Variants in RABGEF1 observed in about 807,000 individuals in gnomAD.
RABGEF1 encodes RAB guanine nucleotide exchange factor 1, also known as rab5 GDP/GTP exchange factor.
A neutral mutation model predicts 57.3 loss-of-function variants in RABGEF1; 26 were observed. That is an observed-to-expected ratio of 0.45 (90% CI 0.33 to 0.63). RABGEF1 has a LOEUF of 0.63. Ranked by LOEUF, RABGEF1 falls within the 20% of genes least tolerant of loss-of-function variation. The probability of loss-of-function intolerance (pLI) is 0.02; values close to 1 mark genes in which losing one functional copy is unlikely to be tolerated. For missense variants in RABGEF1, 464 were observed against 607.6 expected, an observed-to-expected ratio of 0.76 and a Z score of 2.48; for synonymous variants, 185 against 210.7, an observed-to-expected ratio of 0.88 and a Z score of 1.06.
the RABGEF1 span, among the ~76,000 whole-genome samples, chr7:66,662,524 C>T: frequency 2.6e-5 from 4 of 152,168 alleles, no homozygotes; most frequent in African/African-American, 4.8e-5. Context: ...CTGACATCAA[C>T]CCCATGGATC....
At chr7:66,786,327 G>A (rs1343878812) in intron 4 of RABGEF1, among the ~76,000 whole-genome samples, 3 of 152,194 alleles carry the variant, frequency 2.0e-5, no homozygotes, top group Non-Finnish European at 1.5e-5. Context: ...CAGCACCTAC[G>A]TAATTTTCAT....
chr7:66,741,753 A>C (rs1018257216), intron 1 of RABGEF1, among the ~76,000 whole-genome samples: 3 of 152,118 alleles, frequency 2.0e-5, no homozygotes, highest in Non-Finnish European at 4.4e-5. Flanking sequence ...GCAGGTGTGA[A>C]ACTCCTGGCC....
chr7:66,779,602 G>A (rs1351838726), intron 3 of RABGEF1, among the ~76,000 whole-genome samples: 1 of 151,494 alleles, frequency 6.6e-6, no homozygotes, highest in Admixed American at 6.6e-5. Context: ...TGCCTGGGAG[G>A]TTGAGGCTGC....
At chr7:66,728,387 A>G (rs907297249) in intron 2 of RABGEF1, among the ~76,000 whole-genome samples, 2 of 152,096 alleles carry the variant, frequency 1.3e-5, no homozygotes, top group Non-Finnish European at 2.9e-5. Context: ...TATCCCCCCT[A>G]TGGCTGGGTC....
chr7:66,688,143 G>A (rs937685452), intron 1 of RABGEF1, among the ~76,000 whole-genome samples: 1 of 150,192 alleles, frequency 6.7e-6, no homozygotes, highest in Non-Finnish European at 1.5e-5. Context: ...CATATGTTAG[G>A]CAAAATAGGT....
chr7:66,773,076 G>GTTTTTTT, intron 2 of RABGEF1, among the ~76,000 whole-genome samples: 2 of 118,666 alleles, frequency 1.7e-5, no homozygotes. Flanking sequence ...CCTCTAGCTA[G>GTTTTTTT]TTGTTTGTTT....
At chr7:66,698,169 G>T (rs1026572375) in intron 1 of RABGEF1, among the ~76,000 whole-genome samples, 1 of 144,382 alleles carries the variant, frequency 6.9e-6, no homozygotes, top group Non-Finnish European at 1.5e-5. Flanking sequence ...TGTGCCTCCC[G>T]CATTAGACCA....
At chr7:66,718,999 G>C (rs1479666016) in intron 2 of RABGEF1, among the ~76,000 whole-genome samples, 1 of 152,198 alleles carries the variant, frequency 6.6e-6, no homozygotes. Flanking sequence ...CAAGAGCATA[G>C]AGAGAAAGAC....
chr7:66,738,431 T>C (rs929251903), upstream of RABGEF1, among the ~76,000 whole-genome samples: 2 of 152,158 alleles, frequency 1.3e-5, no homozygotes, highest in African/African-American at 2.4e-5. Flanking sequence ...GCTCAGCCCA[T>C]TGAACACTCA....
chr7:66,780,525 T>G (rs1245949008), intron 3 of RABGEF1, among the ~76,000 whole-genome samples: 1 of 152,192 alleles, frequency 6.6e-6, no homozygotes, highest in Non-Finnish European at 1.5e-5. Flanking sequence ...ATGTTTTTGT[T>G]GGGTTGAGTG....
the RABGEF1 span, among the ~76,000 whole-genome samples, chr7:66,656,521 G>A: frequency 1.3e-5 from 2 of 152,114 alleles, no homozygotes; most frequent in Non-Finnish European, 1.5e-5. Context: ...GTCCCTGTGT[G>A]GTTAAAATGG....
rs551215944 is a variant in RABGEF1, at chr7:66,759,213, G to A, written c.-17-12670G>A. Among the ~76,000 whole-genome samples the A allele has an allele frequency of 2.6e-5, 4 of 152,256 alleles. No homozygotes were observed. The East Asian group carries it at 7.7e-4, about 29-fold the overall frequency. The stretch of plus-strand genomic sequence containing the variant: ...TGCCCCCAGGTTTCGTAATTCGTTC[G>A]AGGCTCTCACAGGACATATTTATTC... On this transcript the variant is annotated intron_variant, in intron 1 of 8. Coordinates refer to ENST00000284957, the MANE Select transcript of RABGEF1 (RefSeq NM_014504.3).
intron 1 of RABGEF1, among the ~76,000 whole-genome samples, chr7:66,742,509 A>G (rs1326139910): frequency 1.3e-5 from 2 of 152,200 alleles, no homozygotes; most frequent in East Asian, 3.8e-4. Context: ...TACTTTCTGC[A>G]TGTGTCTTGA....
At chr7:66,676,704 C>T in the RABGEF1 span, among the ~76,000 whole-genome samples, 3 of 152,182 alleles carry the variant, frequency 2.0e-5, no homozygotes, top group Non-Finnish European at 4.4e-5. Flanking sequence ...TCTGCCACCT[C>T]AGCCTCCCAA....
intron 1 of RABGEF1, among the ~76,000 whole-genome samples, chr7:66,751,408 C>A (rs1170683796): frequency 1.3e-5 from 2 of 152,140 alleles, no homozygotes; most frequent in African/African-American, 4.8e-5. Context: ...ATCATCTGAG[C>A]ATCTGTTTCT....
chr7:66,792,840 A>G (rs1341818229), intron 4 of RABGEF1, among the ~76,000 whole-genome samples: 1 of 152,242 alleles, frequency 6.6e-6, no homozygotes, highest in Non-Finnish European at 1.5e-5. Flanking sequence ...GGTGGTGAAC[A>G]GTGCCCTTGT....
At chr7:66,685,379 G>A (rs1790462811) in intron 1 of RABGEF1, among the ~76,000 whole-genome samples, 1 of 152,006 alleles carries the variant, frequency 6.6e-6, no homozygotes, top group African/African-American at 2.4e-5. Context: ...GTGAGGCCAG[G>A]CATGTTGGCT....
intron 1 of RABGEF1, among the ~76,000 whole-genome samples, chr7:66,685,038 T>G (rs1409209425): frequency 1.3e-5 from 2 of 152,032 alleles, no homozygotes; most frequent in Non-Finnish European, 2.9e-5. Flanking sequence ...GTGTTGGGAT[T>G]ACAAACATGA....
intron 4 of RABGEF1, among the ~76,000 whole-genome samples, chr7:66,792,351 G>T (rs1458706253): frequency 6.6e-6 from 1 of 152,164 alleles, no homozygotes; most frequent in Non-Finnish European, 1.5e-5. Context: ...AAATTAACCT[G>T]CCATGGTTTC....
Sources: allele counts gnomAD v4.1 joint callset (sites outside exome capture counted in the v4.1 genomes callset), GRCh38; gene constraint gnomAD v4.1.1; transcripts MANE v1.5; gene names NCBI Gene and HGNC (gene_info 2026-07-23, HGNC 2026-07-21).